Variants in PLAGL1 observed in about 807,000 individuals in gnomAD.
The protein encoded by PLAGL1 is zinc finger protein PLAGL1.
PLAGL1 carries 1 observed loss-of-function variant against 4.6 expected under a neutral mutation model. That is an observed-to-expected ratio of 0.22 (90% CI 0.08 to 1.03). The LOEUF is 1.03. Ranked by LOEUF, PLAGL1 falls within the 50% of genes least tolerant of loss-of-function variation. PLAGL1 has a pLI of 0.58. For missense variants in PLAGL1, 464 were observed against 570.4 expected, an observed-to-expected ratio of 0.81 and a Z score of 1.90; for synonymous variants, 240 against 237.8, an observed-to-expected ratio of 1.01 and a Z score of -0.08.
rs1263928332 is a variant in PLAGL1 at position 144,027,234 on chromosome 6, C to CGAACAAAAGAAAGAAAGAAA, written c.-151+37233_-151+37234insTTTCTTTCTTTCTTTTGTTC. 5.4e-5 allele frequency among the ~76,000 whole-genome samples: 6 copies of CGAACAAAAGAAAGAAAGAAA among 111,550 alleles called. No individual in the cohort carries two copies. The highest frequency in any genetic ancestry group is 1.5e-4 in the African/African-American group (4 of 26,532). The allele number at this position is 111,550 out of a possible 152,430, so 73.2% of individuals were successfully genotyped here. ...GAAAGACCCCAACTCAAAGAACGAA[C>CGAACAAAAGAAAGAAAGAAA]GAAAGAAAGAAAGAAAGAAAGAAAG... On this transcript the variant is annotated intron_variant, in intron 1 of 3. Coordinates refer to the PLAGL1 transcript ENST00000437412. This position sits in a 1 kb window ranked among gnomAD's most constrained non-coding sequence, Gnocchi z 5.8.
intron 1 of PLAGL1, among the ~76,000 whole-genome samples, chr6:143,999,536 G>A (rs1792381312): frequency 6.6e-6 from 1 of 152,202 alleles, no homozygotes; most frequent in Admixed American, 6.5e-5. Context: ...GCTCATGCAA[G>A]AGCTATCTCT....
At chr6:144,009,174 C>A (rs1794936051), upstream of PLAGL1, among the ~76,000 whole-genome samples, 1 of 152,196 alleles carries the variant, frequency 6.6e-6, no homozygotes, top group East Asian at 1.9e-4. Context: ...AGGGGGTAAC[C>A]CTGCCTCTCA....
At position 144,005,681 on chromosome 6, in the gene PLAGL1, C is replaced by A. The variant is rs930688856; in HGVS notation, c.-584+2409G>T. On this transcript the variant is annotated intron_variant, in intron 1 of 7. Coordinates refer to ENST00000674357, the MANE Select transcript of PLAGL1 (RefSeq NM_001317162.2). The surrounding 1 kb of genome is among the most constrained non-coding windows in gnomAD (Gnocchi z 4.6). ...ATTAATGTCTACAGTTTAATATCTGCAAGTATATAACAAATATTTGTATCC... is the reference window on the plus strand; with the variant it reads ...ATTAATGTCTACAGTTTAATATCTGAAAGTATATAACAAATATTTGTATCC... 6.6e-6 allele frequency: 1 copy of A among 151,888 alleles called. No individual in the cohort carries two copies. The highest frequency in any genetic ancestry group is 1.5e-5 in the Non-Finnish European group (1 of 67,944). The allele number at this position is 151,888 out of a possible 1,614,324, so 9.4% of individuals were successfully genotyped here. A position where few individuals can be genotyped will look rare whatever the true frequency, so the allele number is the denominator to read the frequency against.
chr6:144,023,891 C>G (rs1796153240), intron 1 of PLAGL1, among the ~76,000 whole-genome samples: 1 of 148,764 alleles, frequency 6.7e-6, no homozygotes, highest in African/African-American at 2.5e-5. Flanking sequence ...ATTGTTGTGC[C>G]TCAGCCTCCA....
chr6:143,948,309 C>G lies in PLAGL1; in HGVS notation c.-173G>C. 1.7e-6 allele frequency: 1 copy of G among 582,406 alleles called. No individual in the cohort carries two copies. Among genetic ancestry groups the G allele is most frequent in the South Asian group, 2.1e-5 (1 of 47,168 alleles). The allele number at this position is 582,406 out of a possible 1,614,324, so 36.1% of individuals were successfully genotyped here. A position where few individuals can be genotyped will look rare whatever the true frequency, so the allele number is the denominator to read the frequency against. ...TTCTACCCAGACATGGACCTCTCAG[C>G]TGTCACTAGCTTTGCTTCCTGCTTT... is the stretch of plus-strand genomic sequence containing the variant. On this transcript the variant is annotated 5_prime_UTR_variant, in exon 7 of 8. Transcript: ENST00000674357. This position sits in a 1 kb window ranked among gnomAD's most constrained non-coding sequence, Gnocchi z 6.0.
Position 143,942,420 on chromosome 6 carries a change from G to A in PLAGL1, c.396C>T (p.Thr132=), listed in dbSNP as rs142899386. The A allele has an allele frequency of 1.1e-5, 17 of 1,613,992 alleles. No homozygotes were observed. Among genetic ancestry groups the A allele is most frequent in the African/African-American group, 6.7e-5 (5 of 74,908 alleles). ...CGVCALELGS[T]EVLLDHLKAH... ...CTTTGAGGTGGTCCAGTAGCACCTC[G>A]GTGCTCCCTAGCTCCAGGGCACAGA... Residue 132 remains threonine, a synonymous_variant, in exon 8 of 8, where the codon ACC becomes ACT. Transcript: ENST00000674357. This position sits in a 1 kb window ranked among gnomAD's most constrained non-coding sequence, Gnocchi z 7.6.
At position 143,963,578 on chromosome 6, in the gene PLAGL1, TGA is replaced by T. The variant is rs1783833458; in HGVS notation, c.-399+1207_-399+1208del. Reference sequence around the variant, plus strand: ...GGAAAGTAAGGCTTAGAAGTTATGCTGATTTGCCCATGATCCTACAGCCAGCA... The same window carrying T: ...GGAAAGTAAGGCTTAGAAGTTATGCTTTTGCCCATGATCCTACAGCCAGCA... On this transcript the variant is annotated intron_variant, in intron 5 of 7. Transcript: ENST00000674357. The surrounding 1 kb of genome is among the most constrained non-coding windows in gnomAD (Gnocchi z 6.1). Among the ~76,000 whole-genome samples the T allele has an allele frequency of 3.9e-5, 6 of 152,352 alleles. No individual in the cohort carries two copies. The Middle Eastern group carries it at 0.01, about 259-fold the overall frequency.
chr6:143,991,310 A>G (rs1790426508), intron 1 of PLAGL1, among the ~76,000 whole-genome samples: 1 of 152,296 alleles, frequency 6.6e-6, no homozygotes, highest in Admixed American at 6.5e-5. Flanking sequence ...AGTCCAAAAT[A>G]TATCTTTCCT....
rs989502292 is a variant in PLAGL1, at chr6:143,973,486, A to G, written c.-543-4508T>C. On this transcript the variant is annotated intron_variant, in intron 2 of 7. Coordinates refer to ENST00000674357, the MANE Select transcript of PLAGL1 (RefSeq NM_001317162.2). This position sits in a 1 kb window ranked among gnomAD's most constrained non-coding sequence, Gnocchi z 6.2. ...GAGGGAGAAAACAAGCACGGGGGGA[A>G]GTCCTCTGCTTCTAGGGCCTGCTGA... Among the ~76,000 whole-genome samples, 5 of 152,180 alleles carry G rather than the reference A, an allele frequency of 3.3e-5. No individual in the cohort carries two copies. The highest frequency in any genetic ancestry group is 2.6e-4 in the Admixed American group (4 of 15,270).
At position 144,036,699 on chromosome 6, in the gene PLAGL1, A is replaced by T. The variant is rs1228814195; in HGVS notation, c.-151+27769T>A. 1.1e-5 allele frequency: 3 copies of T among 270,234 alleles called. No homozygotes were observed. Among genetic ancestry groups the T allele is most frequent in the Non-Finnish European group, 2.1e-5 (3 of 140,968 alleles). 16.7% of individuals were successfully genotyped at this position (270,234 alleles called of 1,614,324 possible). On this transcript the variant is annotated intron_variant, in intron 1 of 3. Coordinates refer to the PLAGL1 transcript ENST00000437412. The surrounding 1 kb of genome is among the most constrained non-coding windows in gnomAD (Gnocchi z 5.1). ...TTCTTCACTACTCAGGGACGAAAGA[A>T]AGAGGAAAGAATGGAAAAAGTGAAA...
intron 7 of PLAGL1, among the ~76,000 whole-genome samples, chr6:143,944,583 G>A (rs991856357): frequency 2.6e-5 from 4 of 152,106 alleles, no homozygotes; most frequent in Non-Finnish European, 5.9e-5. Context: ...AATACGATGG[G>A]CATCTGAGAA....
In PLAGL1 at chr6:143,947,993, T is replaced by C. The variant is rs367667352; in HGVS notation, c.144A>G (p.Lys48=). 17 of 1,613,906 alleles carry C rather than the reference T, an allele frequency of 1.1e-5. No individual in the cohort carries two copies. Among genetic ancestry groups the C allele is most frequent in the Non-Finnish European group, 1.4e-5 (17 of 1,179,908 alleles). The change falls in exon 7 of 8, where the codon AAA becomes AAG. Residue 48 remains lysine, a synonymous_variant. Coordinates refer to ENST00000674357, the MANE Select transcript of PLAGL1 (RefSeq NM_001317162.2). This position sits in a 1 kb window ranked among gnomAD's most constrained non-coding sequence, Gnocchi z 4.3. ...DCGKAFVSRY[K]LMRHMATHSP... is the part of the protein sequence containing the mutation. ...TTGCCAAAGCCTCTCACCTCATCAATTTATATCTGGAAACAAAGGCTTTGC... is the reference window on the plus strand; with the variant it reads ...TTGCCAAAGCCTCTCACCTCATCAACTTATATCTGGAAACAAAGGCTTTGC...
chr6:143,967,851 T>A (rs894122575), intron 3 of PLAGL1: 6 of 152,088 alleles, frequency 3.9e-5, no homozygotes, highest in African/African-American at 1.4e-4. Context: ...TAGAAGTCAG[T>A]CTCAAGACAA....
At chr6:144,013,196 G>C (rs1795309224), upstream of PLAGL1, among the ~76,000 whole-genome samples, 1 of 152,112 alleles carries the variant, frequency 6.6e-6, no homozygotes, top group Admixed American at 6.5e-5. This position sits in a 1 kb window ranked among gnomAD's most constrained non-coding sequence, Gnocchi z 4.4. Flanking sequence ...AGCAAATGCA[G>C]AACAAGAAAA....
At chr6:143,976,287 T>TTTTC (rs1554261398) in intron 2 of PLAGL1, among the ~76,000 whole-genome samples, 2 of 144,944 alleles carry the variant, frequency 1.4e-5, no homozygotes, top group Non-Finnish European at 1.5e-5. Context: ...TTTCTTTTCT[T>TTTTC]TTTTTTTTTT....
chr6:144,060,449 C>T (rs984982708), intron 1 of PLAGL1, among the ~76,000 whole-genome samples: 2 of 152,172 alleles, frequency 1.3e-5, no homozygotes, highest in African/African-American at 4.8e-5. Context: ...TTACATATAG[C>T]ACCCAATATT....
chr6:144,003,143 C>A (rs192353491), intron 1 of PLAGL1, among the ~76,000 whole-genome samples: 1 of 151,914 alleles, frequency 6.6e-6, no homozygotes, highest in Admixed American at 6.6e-5. Flanking sequence ...AAAGTCCCCA[C>A]GCAATTCAAT....
rs575918353 is a variant in PLAGL1, at chr6:143,953,971, G to A, written c.-324-5511C>T. ...CCTGCCCTTCCTTCCCCTAGCACAA[G>A]TGCTCGCTATGGAGACTGTATGAAA... On this transcript the variant is annotated intron_variant, in intron 6 of 7. Transcript: ENST00000674357. This position sits in a 1 kb window ranked among gnomAD's most constrained non-coding sequence, Gnocchi z 5.3. Among the ~76,000 whole-genome samples the A allele has an allele frequency of 6.6e-6, 1 of 152,304 alleles. No homozygotes were observed. The highest frequency in any genetic ancestry group is 2.4e-5 in the African/African-American group (1 of 41,570).
At chr6:143,986,157 G>C (rs191245205) in intron 1 of PLAGL1, among the ~76,000 whole-genome samples, 1 of 151,392 alleles carries the variant, frequency 6.6e-6, no homozygotes, top group Admixed American at 6.6e-5. Context: ...CCAGACTCTG[G>C]GCACCCAGAC....
Sources: allele counts gnomAD v4.1 joint callset (sites outside exome capture counted in the v4.1 genomes callset), GRCh38; gene constraint gnomAD v4.1.1; non-coding constraint Gnocchi (gnomAD v3.1); transcripts MANE v1.5; gene names NCBI Gene and HGNC (gene_info 2026-07-23, HGNC 2026-07-21).